Variants in TGFB2 observed in about 807,000 individuals in gnomAD.
The protein encoded by TGFB2 is transforming growth factor beta-2 proprotein.
Under a neutral mutation model 42.7 loss-of-function variants are expected in TGFB2, and 13 were observed. The observed-to-expected ratio is 0.30, with a 90% CI of 0.20 to 0.48. TGFB2 has a LOEUF of 0.48. Among genes scored for constraint, TGFB2 ranks in the 20% least tolerant of loss-of-function variants. TGFB2 has a pLI of 0.99. For synonymous variants in TGFB2, 193 were observed against 193.6 expected, an observed-to-expected ratio of 1.00 and a Z score of 0.03; for missense variants, 390 against 517.5, an observed-to-expected ratio of 0.75 and a Z score of 2.39.
At chr1:218,391,440 C>T (rs1052273030) in intron 1 of TGFB2, among the ~76,000 whole-genome samples, 1 of 152,188 alleles carries the variant, frequency 6.6e-6, no homozygotes, top group Admixed American at 6.5e-5. Flanking sequence ...AGTGTGAATT[C>T]AGGTCCTTTT....
At chr1:218,435,766 C>T (rs914002599) in intron 4 of TGFB2, among the ~76,000 whole-genome samples, 4 of 152,200 alleles carry the variant, frequency 2.6e-5, no homozygotes, top group African/African-American at 7.2e-5. Context: ...ACAAGAGCCC[C>T]ATTTAGAAGT....
intron 1 of TGFB2, among the ~76,000 whole-genome samples, chr1:218,356,865 G>T (rs929988126): frequency 1.3e-5 from 2 of 152,180 alleles, no homozygotes; most frequent in Non-Finnish European, 2.9e-5. Context: ...TAGCCTTCAG[G>T]CAATTCATTT....
chr1:218,408,321 A>G (rs1401642066), intron 2 of TGFB2, among the ~76,000 whole-genome samples: 1 of 152,132 alleles, frequency 6.6e-6, no homozygotes, highest in African/African-American at 2.4e-5. Flanking sequence ...AGTTCTTGGT[A>G]GATGTGCCTC....
At chr1:218,426,388 C>T (rs1207689539) in intron 2 of TGFB2, among the ~76,000 whole-genome samples, 1 of 152,196 alleles carries the variant, frequency 6.6e-6, no homozygotes, top group Non-Finnish European at 1.5e-5. Flanking sequence ...TTTCCCCCCT[C>T]AAACTATTGG....
chr1:218,374,957 T>C (rs933404241), intron 1 of TGFB2, among the ~76,000 whole-genome samples: 1 of 152,224 alleles, frequency 6.6e-6, no homozygotes, highest in African/African-American at 2.4e-5. Context: ...CAGGCTTCAC[T>C]GAAATACTTT....
At chr1:218,410,238 T>G (rs1160648739) in intron 2 of TGFB2, among the ~76,000 whole-genome samples, 1 of 152,198 alleles carries the variant, frequency 6.6e-6, no homozygotes, top group Non-Finnish European at 1.5e-5. Context: ...AGAGTCACAA[T>G]ATGAGGCTGG....
At chr1:218,427,541 G>A (rs1329279808) in intron 2 of TGFB2, among the ~76,000 whole-genome samples, 4 of 152,004 alleles carry the variant, frequency 2.6e-5, no homozygotes, top group Non-Finnish European at 4.4e-5. Context: ...GTGTCCAAGT[G>A]TTCTCATTGT....
rs998099568 is a variant in TGFB2 at position 218,379,122 on chromosome 1, C to T, written c.347-26047C>T. 3.6e-3 allele frequency among the ~76,000 whole-genome samples: 334 copies of T among 91,882 alleles called. 1 individual carries two copies. Among genetic ancestry groups the T allele is most frequent in the African/African-American group, 0.013 (302 of 23,642 alleles). The allele number at this position is 91,882 out of a possible 152,430, so 60.3% of individuals were successfully genotyped here. Reference sequence around the variant, plus strand: ...CGAGAACACATGGTACATTTTCTTTCTTTCTTTCTTTTTTTTTTTTCTTTT... The same window carrying T: ...CGAGAACACATGGTACATTTTCTTTTTTTCTTTCTTTTTTTTTTTTCTTTT... On this transcript the variant is annotated intron_variant, in intron 1 of 6. Coordinates refer to ENST00000366930, the MANE Select transcript of TGFB2 (RefSeq NM_003238.6).
intron 1 of TGFB2, among the ~76,000 whole-genome samples, chr1:218,404,667 A>G (rs945196187): frequency 6.6e-6 from 1 of 152,220 alleles, no homozygotes; most frequent in Non-Finnish European, 1.5e-5. Flanking sequence ...TGTGTGAAAA[A>G]CTAAAATATT....
intron 1 of TGFB2, among the ~76,000 whole-genome samples, chr1:218,396,510 C>T (rs1571867324): frequency 6.6e-6 from 1 of 151,822 alleles, no homozygotes; most frequent in South Asian, 2.1e-4. Context: ...TGATCTCTCA[C>T]AACCTTGAAA....
At chr1:218,356,152 T>G (rs1657025504) in intron 1 of TGFB2, among the ~76,000 whole-genome samples, 1 of 152,188 alleles carries the variant, frequency 6.6e-6, no homozygotes, top group African/African-American at 2.4e-5. Flanking sequence ...TCAAAATTTT[T>G]TTGTTTTTAT....
chr1:218,363,377 C>T (rs1461622593), intron 1 of TGFB2: 1 of 1,613,892 alleles, frequency 6.2e-7, no homozygotes, highest in African/African-American at 1.3e-5. Context: ...CAGTGGGCAG[C>T]TTGTGCTCCA....
At chr1:218,381,240 ATTTTTG>A (rs1553296744) in intron 1 of TGFB2, among the ~76,000 whole-genome samples, 3 of 146,058 alleles carry the variant, frequency 2.1e-5, no homozygotes, top group African/African-American at 7.5e-5. Context: ...CCAAAGGCAC[ATTTTTG>A]TTTTTGTTTT....
intron 2 of TGFB2, among the ~76,000 whole-genome samples, chr1:218,426,583 G>A (rs986616586): frequency 4.6e-5 from 7 of 152,210 alleles, no homozygotes; most frequent in Non-Finnish European, 7.3e-5. Flanking sequence ...GTAATGTAAT[G>A]AAGGTGGCAT....
At chr1:218,347,964 G>A (rs1406533029) in intron 1 of TGFB2, among the ~76,000 whole-genome samples, 1 of 146,756 alleles carries the variant, frequency 6.8e-6, no homozygotes, top group East Asian at 2.0e-4. Context: ...TGGCTTCTCT[G>A]AGAACAGTGT....
At chr1:218,390,923 C>T (rs1376847817) in intron 1 of TGFB2, among the ~76,000 whole-genome samples, 1 of 152,184 alleles carries the variant, frequency 6.6e-6, no homozygotes, top group African/African-American at 2.4e-5. Context: ...CCTAAGAAAG[C>T]ACCATCATTT....
At chr1:218,373,345 T>C (rs998912485) in intron 1 of TGFB2, among the ~76,000 whole-genome samples, 1 of 152,076 alleles carries the variant, frequency 6.6e-6, no homozygotes, top group African/African-American at 2.4e-5. Flanking sequence ...GTGGTGATGT[T>C]GATGGTTGGG....
chr1:218,392,666 A>C (rs1658352899), intron 1 of TGFB2, among the ~76,000 whole-genome samples: 1 of 152,268 alleles, frequency 6.6e-6, no homozygotes, highest in Non-Finnish European at 1.5e-5. Flanking sequence ...AGCACCTAGT[A>C]GGTGCCAGGC....
intron 2 of TGFB2, 129 bp from the exon 3 acceptor site, chr1:218,433,953 G>C: frequency 8.1e-7 from 1 of 1,232,976 alleles, no homozygotes; most frequent in Non-Finnish European, 1.1e-6. Flanking sequence ...CAATTGAGAT[G>C]ACAATGCATG....
Sources: allele counts gnomAD v4.1 joint callset (sites outside exome capture counted in the v4.1 genomes callset), GRCh38; gene constraint gnomAD v4.1.1; transcripts MANE v1.5; gene names NCBI Gene and HGNC (gene_info 2026-07-23, HGNC 2026-07-21).